KDM5B: variants seen among roughly 807,000 people sequenced by gnomAD.
The protein encoded by KDM5B is lysine demethylase 5B.
KDM5B carries 144 observed loss-of-function variants against 193.4 expected under a neutral mutation model. That is an observed-to-expected ratio of 0.74 (90% CI 0.65 to 0.86). The LOEUF (loss-of-function observed/expected upper bound fraction) is 0.86, where lower values mean the gene tolerates loss of function less well. Among genes scored for constraint, KDM5B ranks in the 40% least tolerant of loss-of-function variants. The probability of loss-of-function intolerance (pLI) is 0.00; values close to 1 mark genes in which losing one functional copy is unlikely to be tolerated. For synonymous variants in KDM5B, 668 were observed against 682.6 expected (o/e 0.98, Z 0.33); for missense variants, 1,833 against 1,886.9 (o/e 0.97, Z 0.53).
At chr1:202,741,775 C>A in intron 18 of KDM5B, 53 bp from the exon 19 acceptor site, 1 of 1,015,688 alleles carries the variant, frequency 9.8e-7, no homozygotes, top group South Asian at 1.5e-5. Flanking sequence ...CAGTAATTGG[C>A]TTCTTTCAAA....
intron 10 of KDM5B, among the ~76,000 whole-genome samples, chr1:202,755,815 A>G (rs974208797): frequency 2.0e-5 from 3 of 152,132 alleles, no homozygotes; most frequent in African/African-American, 7.2e-5. Flanking sequence ...GTAGTGAAGG[A>G]GAGCGGGCGA....
At chr1:202,777,371 A>C (rs950344676) in intron 1 of KDM5B, among the ~76,000 whole-genome samples, 1 of 140,436 alleles carries the variant, frequency 7.1e-6, no homozygotes, top group Non-Finnish European at 1.6e-5. Flanking sequence ...AAAAAAAAAA[A>C]CACTCATTTA....
In KDM5B at chr1:202,804,865, CA is replaced by C. The variant is rs35989953; in HGVS notation, c.204+3236del. Among the ~76,000 whole-genome samples the C allele has an allele frequency of 4.2e-3, 331 of 78,866 alleles. 1 individual carries two copies. The highest frequency in any genetic ancestry group is 0.03 in the East Asian group (84 of 2,784). 51.7% of individuals were successfully genotyped at this position (78,866 alleles called of 152,430 possible). On this transcript the variant is annotated intron_variant, in intron 1 of 26. Coordinates refer to ENST00000367265, the MANE Select transcript of KDM5B (RefSeq NM_006618.5). Reference sequence around the variant, plus strand: ...GGGCAACAAGAGCAAAATTCCGTCTCAAAAAAAAAAAAAAAAAGAAATTTGT... The same window carrying C: ...GGGCAACAAGAGCAAAATTCCGTCTCAAAAAAAAAAAAAAAAGAAATTTGT...
chr1:202,774,044 A>G (rs1656832714), intron 3 of KDM5B, among the ~76,000 whole-genome samples: 1 of 152,118 alleles, frequency 6.6e-6, no homozygotes, highest in African/African-American at 2.4e-5. Context: ...GCCATGGCTC[A>G]GCATTTTTTT....
intron 16 of KDM5B, among the ~76,000 whole-genome samples, chr1:202,744,590 C>G (rs1355733801): frequency 3.9e-5 from 6 of 151,972 alleles, no homozygotes; most frequent in Admixed American, 3.9e-4. Flanking sequence ...AAAAAAACAC[C>G]ACAATGAGAT....
intron 22 of KDM5B, among the ~76,000 whole-genome samples, chr1:202,734,130 G>A (rs1174545757): frequency 6.6e-6 from 1 of 152,072 alleles, no homozygotes. Flanking sequence ...AGTAAGAGAT[G>A]TGGGATAGGA....
At chr1:202,775,108 G>A (rs923706188) in intron 2 of KDM5B, among the ~76,000 whole-genome samples, 6 of 150,458 alleles carry the variant, frequency 4.0e-5, no homozygotes, top group Non-Finnish European at 5.9e-5. Context: ...GTGGTGGCGC[G>A]TGCCTGTAAT....
In KDM5B at chr1:202,753,161, C is replaced by T. The variant is rs1482231623; in HGVS notation, c.1539-94G>A. 10 of 1,096,220 alleles carry T rather than the reference C, an allele frequency of 9.1e-6. No homozygotes were observed. The East Asian group carries it at 2.4e-4, about 26-fold the overall frequency. The allele number at this position is 1,096,220 out of a possible 1,614,324, so 67.9% of individuals were successfully genotyped here. A position where few individuals can be genotyped will look rare whatever the true frequency, so the allele number is the denominator to read the frequency against. On this transcript the variant is annotated intron_variant, in intron 11 of 26. Transcript: ENST00000367265. ...ATTTTTCAGACTCGGCTTTGTAAGA[C>T]TACGCAAAAAAGGAATCCACAAACT...
At position 202,755,377 on chromosome 1, in the gene KDM5B, C is replaced by T; in HGVS notation, c.1432G>A (p.Asp478Asn). 6.2e-7 allele frequency: 1 copy of T among 1,613,884 alleles called. No homozygotes were observed. Among genetic ancestry groups the T allele is most frequent in the Non-Finnish European group, 8.5e-7 (1 of 1,179,750 alleles). Residue 478 changes from aspartate to asparagine, a missense_variant, in exon 11 of 27, where the codon GAT becomes AAT. By Grantham distance (23) the Asp-to-Asn change is conservative. This residue lies in a region of KDM5B where 1,379 missense variants were observed against 1,349.6 expected (regional missense o/e 1.02). Coordinates refer to ENST00000367265, the MANE Select transcript of KDM5B (RefSeq NM_006618.5). ...EQSVLAHITA[D>N]ICGMKLPWLY... ...CAAGGAAGTTTCATGCCACATATAT[C>T]AGCAGTAATATGTGCAAGGACAGAC...
Position 202,755,407 on chromosome 1 carries a change from C to T in KDM5B, c.1402G>A (p.Glu468Lys). The change falls in exon 11 of 27, where the codon GAG becomes AAG. Residue 468 changes from glutamate to lysine, a missense_variant. Around this residue, in one of 3 missense-constraint regions of KDM5B, gnomAD observed 1,379 missense variants for 1,349.6 expected, o/e 1.02. Coordinates refer to ENST00000367265, the MANE Select transcript of KDM5B (RefSeq NM_006618.5). Reference sequence around the variant, plus strand: ...GTAATATGTGCAAGGACAGACTGCTCCATCACTGGCATGTTGTTCAAATTC... The same window carrying T: ...GTAATATGTGCAAGGACAGACTGCTTCATCACTGGCATGTTGTTCAAATTC... ...GWNLNNMPVM[E>K]QSVLAHITAD... The T allele has an allele frequency of 6.2e-7, 1 of 1,613,772 alleles. No homozygotes were observed. Among genetic ancestry groups the T allele is most frequent in the Admixed American group, 1.7e-5 (1 of 60,000 alleles).
At chr1:202,774,881 TATA>T in intron 2 of KDM5B, 146 bp from the exon 3 acceptor site, 1 of 662,738 alleles carries the variant, frequency 1.5e-6, no homozygotes, top group Non-Finnish European at 2.6e-6. Context: ...AGCAAAATCA[TATA>T]ATACCACTTT....
chr1:202,729,836 G>C lies in KDM5B; in HGVS notation c.4368C>G (p.Ser1456Arg). The C allele has an allele frequency of 6.2e-7, 1 of 1,614,170 alleles. No homozygotes were observed. Among genetic ancestry groups the C allele is most frequent in the Non-Finnish European group, 8.5e-7 (1 of 1,180,016 alleles). The change falls in exon 26 of 27, where the codon AGC becomes AGG. Residue 1456 changes from serine to arginine, a missense_variant. Transcript: ENST00000367265. ...TTTCAGCAGAACGAACTAATTCATA[G>C]CTACGCTCTCTCTCTAACTTGAAAT... ...MNNFKLERER[S>R]YELVRSAETH...
At chr1:202,808,043 G>A in intron 1 of KDM5B, 59 bp downstream of exon 1, 1 of 1,556,004 alleles carries the variant, frequency 6.4e-7, no homozygotes, top group Non-Finnish European at 8.7e-7. Flanking sequence ...CCCCGGACCC[G>A]CGCGTCCCCG....
chr1:202,746,344 G>C (rs757405997), intron 14 of KDM5B, 21 bp from the exon 15 acceptor site: 1 of 1,541,366 alleles, frequency 6.5e-7, no homozygotes, highest in Admixed American at 1.9e-5. Flanking sequence ...GTATACTTTA[G>C]AGAGACCTCC....
intron 1 of KDM5B, among the ~76,000 whole-genome samples, chr1:202,778,911 C>T (rs996531927): frequency 4.6e-5 from 7 of 152,010 alleles, no homozygotes; most frequent in Non-Finnish European, 7.4e-5. Context: ...TGTGAGCCAC[C>T]GCACCCAGCC....
chr1:202,738,248 T>C (rs1012211245), intron 20 of KDM5B, among the ~76,000 whole-genome samples: 2 of 152,138 alleles, frequency 1.3e-5, no homozygotes, highest in Non-Finnish European at 2.9e-5. Context: ...ATGAAGGAAA[T>C]AAACTCATCC....
intron 19 of KDM5B, 41 bp downstream of exon 19, chr1:202,741,326 C>G: frequency 7.1e-7 from 1 of 1,414,736 alleles, no homozygotes; most frequent in South Asian, 1.4e-5. Context: ...CTGGAGATAA[C>G]TGTCCAACCT....
intron 11 of KDM5B, 45 bp downstream of exon 11, chr1:202,755,226 A>G (rs772441240): frequency 7.4e-6 from 11 of 1,490,948 alleles, no homozygotes; most frequent in Non-Finnish European, 8.4e-6. Context: ...AAGTTTTCCT[A>G]TCCAGCATGC....
In KDM5B at chr1:202,749,148, A is replaced by G; in HGVS notation, c.1822-9T>C. On this transcript the variant is annotated splice_polypyrimidine_tract_variant and intron_variant, in intron 13 of 26. Transcript: ENST00000367265. ...TGTCGGCCTAATGGCAGCTGTATCA[A>G]AACACGGAAAGAAAAAAATAACATT... is the stretch of plus-strand genomic sequence containing the variant. 6.2e-7 allele frequency: 1 copy of G among 1,602,346 alleles called. No individual in the cohort carries two copies. The highest frequency in any genetic ancestry group is 8.5e-7 in the Non-Finnish European group (1 of 1,175,532).
Sources: gnomAD v4.1 joint callset for allele counts (sites outside exome capture counted in the v4.1 genomes callset) on GRCh38, gnomAD v4.1.1 for gene constraint, gnomAD v4.1.1 regional missense constraint, MANE v1.5 for transcripts, NCBI Gene and HGNC (gene_info 2026-07-23, HGNC 2026-07-21) for gene names.